Variants in ALDH1L2 observed in about 807,000 individuals in gnomAD.
ALDH1L2 encodes the protein mitochondrial 10-formyltetrahydrofolate dehydrogenase.
In ALDH1L2, 91 loss-of-function variants were observed where a neutral mutation model predicts 111.0. That is an observed-to-expected ratio of 0.82 (90% CI 0.69 to 0.98). The LOEUF (loss-of-function observed/expected upper bound fraction) is 0.98. Among genes scored for constraint, ALDH1L2 ranks in the 50% least tolerant of loss-of-function variants. The probability of loss-of-function intolerance (pLI) is 0.00; values close to 1 mark genes in which losing one functional copy is unlikely to be tolerated. For synonymous variants in ALDH1L2, 374 were observed against 392.6 expected (o/e 0.95, Z 0.56); for missense variants, 995 against 1,126.8 (o/e 0.88, Z 1.67).
chr12:105,030,100 C>T (rs1874619456), intron 21 of ALDH1L2: 1 of 330,950 alleles, frequency 3.0e-6, no homozygotes, highest in African/African-American at 2.1e-5. Flanking sequence ...ATTTATTCAG[C>T]TAAAAGCCCA....
At chr12:105,029,552 C>T (rs1029667923) in intron 21 of ALDH1L2, among the ~76,000 whole-genome samples, 1 of 152,188 alleles carries the variant, frequency 6.6e-6, no homozygotes, top group African/African-American at 2.4e-5. Context: ...ACACCACCAC[C>T]ATGGGAGAAT....
rs1289001661 is a variant in ALDH1L2, at chr12:105,036,217, T to C, written c.2146-1819A>G. ...TAATATATACACGTATATTTATATA[T>C]GTGTATATAATATATACACGTATAT... On this transcript the variant is annotated intron_variant, in intron 18 of 22. Transcript: ENST00000258494. Among the ~76,000 whole-genome samples, 9 of 53,056 alleles carry C rather than the reference T, an allele frequency of 1.7e-4. 3 individuals are homozygous for C. The highest frequency in any genetic ancestry group is 2.3e-4 in the African/African-American group (2 of 8,848). 34.8% of individuals were successfully genotyped at this position (53,056 alleles called of 152,430 possible).
chr12:105,067,237 A>G (rs1455834266), intron 4 of ALDH1L2, among the ~76,000 whole-genome samples: 4 of 148,022 alleles, frequency 2.7e-5, no homozygotes, highest in Admixed American at 1.3e-4. Flanking sequence ...AAAAAAAAAG[A>G]AAAGAAAAAG....
At chr12:105,033,350 G>A (rs1874811155) in intron 19 of ALDH1L2, among the ~76,000 whole-genome samples, 1 of 152,168 alleles carries the variant, frequency 6.6e-6, no homozygotes. Flanking sequence ...ACTTTTAGCT[G>A]ATTGTGAAAG....
intron 2 of ALDH1L2, 67 bp downstream of exon 2, chr12:105,073,794 G>T: frequency 6.3e-7 from 1 of 1,598,318 alleles, no homozygotes. Context: ...CTTGGACCAT[G>T]AGATGGAAGT....
chr12:105,060,993 A>C lies in ALDH1L2; in HGVS notation c.1127T>G (p.Met376Arg), dbSNP rs963181920. The C allele has an allele frequency of 1.4e-5, 22 of 1,613,910 alleles. No homozygotes were observed. Among genetic ancestry groups the C allele is most frequent in the Non-Finnish European group, 1.8e-5 (21 of 1,179,918 alleles). ...TDFFKSGASS[M>R]DVARLVEEIR... is the part of the protein sequence containing the mutation. ...GGCGTGGTTTTACCTGGCAACATCCATTGAGCTTGCTCCAGATTTAAAGAA... is the reference window on the plus strand; with the variant it reads ...GGCGTGGTTTTACCTGGCAACATCCCTTGAGCTTGCTCCAGATTTAAAGAA... The change falls in exon 9 of 23, where the codon ATG (methionine) becomes AGG (arginine). Residue 376 changes from methionine (M) to arginine (R), a missense_variant. Met to Arg is a moderately conservative substitution (Grantham distance 91, BLOSUM62 -1). Transcript: ENST00000258494.
intron 15 of ALDH1L2, among the ~76,000 whole-genome samples, chr12:105,045,771 T>C (rs1875807592): frequency 6.8e-6 from 1 of 147,440 alleles, no homozygotes; most frequent in Admixed American, 6.9e-5. Flanking sequence ...AATGAAACTG[T>C]ATTTTTTTAA....
chr12:105,057,303 A>G (rs1037707795), intron 10 of ALDH1L2, among the ~76,000 whole-genome samples: 4 of 152,108 alleles, frequency 2.6e-5, no homozygotes, highest in African/African-American at 9.7e-5. Context: ...ACCCTCATAC[A>G]TTGGTGGGAT....
rs78725757 is a variant in ALDH1L2, at chr12:105,047,134, T to C, written c.1687-165A>G. Among the ~76,000 whole-genome samples the C allele has an allele frequency of 7.3e-3, 1,113 of 152,334 alleles. 24 individuals are homozygous for C. In the East Asian group the frequency reaches 0.09, roughly 12 times the overall value. ...ATGCCAAAGAAGGAACAGCTATTTGTTTCTCAAGAGAACCATGAAACACAG... is the reference window on the plus strand; with the variant it reads ...ATGCCAAAGAAGGAACAGCTATTTGCTTCTCAAGAGAACCATGAAACACAG... On this transcript the variant is annotated intron_variant, in intron 13 of 22. Coordinates refer to ENST00000258494, the MANE Select transcript of ALDH1L2 (RefSeq NM_001034173.4).
chr12:105,066,654 G>A lies in ALDH1L2; in HGVS notation c.610C>T (p.Leu204Phe), dbSNP rs148547886. The change falls in exon 5 of 23, where the codon CTC becomes TTC. Residue 204 changes from leucine to phenylalanine, a missense_variant. Coordinates refer to ENST00000258494, the MANE Select transcript of ALDH1L2 (RefSeq NM_001034173.4). ...CGAGGAGCTTTTCCATCAGCTATGAGTTGGACAGCTTCTACCTAAGGCCAA... is the reference window on the plus strand; with the variant it reads ...CGAGGAGCTTTTCCATCAGCTATGAATTGGACAGCTTCTACCTAAGGCCAA... ...GIKAMVEAVQ[L>F]IADGKAPRIP... 1.2e-3 allele frequency: 1,886 copies of A among 1,614,006 alleles called. 5 individuals carry two copies. The highest frequency in any genetic ancestry group is 1.5e-3 in the Non-Finnish European group (1,748 of 1,180,012).
rs1462572543 is a variant in ALDH1L2 at position 105,020,209 on chromosome 12, G to A, written c.*4215C>T. ...ACAGCTTTATTTTCTTGGAGGGCAG[G>A]TATGGGGAACCAAATTTGTTTCCTT... is the stretch of plus-strand genomic sequence containing the variant. On this transcript the variant is annotated 3_prime_UTR_variant, in exon 23 of 23. Transcript: ENST00000258494. The A allele has an allele frequency of 6.6e-6, 1 of 152,124 alleles. No individual in the cohort carries two copies. The highest frequency in any genetic ancestry group is 1.9e-4 in the East Asian group (1 of 5,198). The allele number at this position is 152,124 out of a possible 1,614,324, so 9.4% of individuals were successfully genotyped here. A position where few individuals can be genotyped will look rare whatever the true frequency, so the allele number is the denominator to read the frequency against.
intron 20 of ALDH1L2, among the ~76,000 whole-genome samples, chr12:105,031,022 G>A (rs1354008561): frequency 6.6e-6 from 1 of 152,100 alleles, no homozygotes; most frequent in Non-Finnish European, 1.5e-5. Flanking sequence ...CTATCGTCAT[G>A]TTAAAGAGAC....
At chr12:105,034,186 A>C in intron 19 of ALDH1L2, 114 bp downstream of exon 19, 1 of 979,726 alleles carries the variant, frequency 1.0e-6, no homozygotes, top group South Asian at 1.6e-5. Flanking sequence ...TTTTTAAAAC[A>C]TAACCACAAT....
chr12:105,052,240 A>C, intron 11 of ALDH1L2, 23 bp from the exon 12 acceptor site: 1 of 1,556,642 alleles, frequency 6.4e-7, no homozygotes, highest in Non-Finnish European at 8.7e-7. Context: ...AAGTAAAAAT[A>C]GGCCCCATGA....
intron 10 of ALDH1L2, among the ~76,000 whole-genome samples, chr12:105,057,094 T>TAAAAAGACAAGCCAGTTTAA (rs1876677348): frequency 6.6e-6 from 1 of 151,646 alleles, no homozygotes; most frequent in Non-Finnish European, 1.5e-5. Flanking sequence ...TAAAATGAGC[T>TAAAAAGACAAGCCAGTTTAA]AAGGATTTGA....
chr12:105,050,812 T>C (rs1167395977), intron 12 of ALDH1L2: 1 of 334,932 alleles, frequency 3.0e-6, no homozygotes, highest in Non-Finnish European at 6.0e-6. Flanking sequence ...TCATGAGACT[T>C]ATATACTTTC....
At chr12:105,046,609 C>A in intron 15 of ALDH1L2, 101 bp downstream of exon 15, 2 of 1,023,044 alleles carry the variant, frequency 2.0e-6, no homozygotes, top group South Asian at 1.6e-5. Context: ...AAATGCCATA[C>A]CATCTCATTT....
intron 2 of ALDH1L2, among the ~76,000 whole-genome samples, chr12:105,071,642 A>ATATATATATATATATATATATAT (rs1555227710): frequency 1.8e-4 from 2 of 10,876 alleles, no homozygotes; most frequent in Non-Finnish European, 2.9e-4. Flanking sequence ...ATATATATAT[A>ATATATATATATATATATATATAT]TTTTTTTTTT....
At position 105,024,153 on chromosome 12, in the gene ALDH1L2, C is replaced by T. The variant is rs974445301; in HGVS notation, c.*271G>A. 10 of 525,198 alleles carry T rather than the reference C, an allele frequency of 1.9e-5. No individual in the cohort carries two copies. Among genetic ancestry groups the T allele is most frequent in the Middle Eastern group, 5.1e-4 (1 of 1,972 alleles). 32.5% of individuals were successfully genotyped at this position (525,198 alleles called of 1,614,324 possible). A position where few individuals can be genotyped will look rare whatever the true frequency, so the allele number is the denominator to read the frequency against. On this transcript the variant is annotated 3_prime_UTR_variant, in exon 23 of 23. Coordinates refer to ENST00000258494, the MANE Select transcript of ALDH1L2 (RefSeq NM_001034173.4). ...AGATGGGAACCATGAATAGATTTGT[C>T]TAGGTAGGGGAGAAACAGCTTGGTA...
Sources: gnomAD v4.1 joint callset for allele counts (sites outside exome capture counted in the v4.1 genomes callset) on GRCh38, gnomAD v4.1.1 for gene constraint, MANE v1.5 for transcripts, NCBI Gene and HGNC (gene_info 2026-07-23, HGNC 2026-07-21) for gene names.